Variants in TNFRSF13B observed in about 807,000 individuals in gnomAD.
The protein encoded by TNFRSF13B is tumor necrosis factor receptor superfamily member 13B.
In TNFRSF13B, 34 loss-of-function variants were observed where a neutral mutation model predicts 24.0. That is an observed-to-expected ratio of 1.41 (90% CI 1.08 to 1.88). The LOEUF (loss-of-function observed/expected upper bound fraction) is 1.88. Among genes scored for constraint, TNFRSF13B ranks in the 40% most tolerant of loss-of-function variants. TNFRSF13B has a pLI of 0.00. For missense variants in TNFRSF13B, 415 were observed against 380.8 expected (o/e 1.09, Z -0.75); for synonymous variants, 173 against 150.3 (o/e 1.15, Z -1.10).
chr17:16,958,715 G>A (rs2087641588), intron 1 of TNFRSF13B, among the ~76,000 whole-genome samples: 2 of 151,830 alleles, frequency 1.3e-5, no homozygotes, highest in South Asian at 4.1e-4. Flanking sequence ...AATTACAAAA[G>A]ACAAAGAAGG....
At position 16,940,327 on chromosome 17, in the gene TNFRSF13B, C is replaced by A; in HGVS notation, c.630G>T (p.Gln210His). ...AGGACCCCAGTTTCATGCACTCACC[C>A]TGGGAAGACTTGGCCGGACTTTGAC... ...RPRQSPAKSS[Q>H]DHAMEAGSPV... is the part of the protein sequence containing the mutation. The change falls in exon 4 of 5, where the codon CAG (glutamine) becomes CAT (histidine). Residue 210 changes from glutamine to histidine, a missense_variant and splice_region_variant. Coordinates refer to ENST00000261652, the MANE Select transcript of TNFRSF13B (RefSeq NM_012452.3). The A allele has an allele frequency of 6.2e-7, 1 of 1,613,222 alleles. No individual in the cohort carries two copies. The highest frequency in any genetic ancestry group is 8.5e-7 in the Non-Finnish European group (1 of 1,179,968).
intron 1 of TNFRSF13B, among the ~76,000 whole-genome samples, chr17:16,963,545 GT>G (rs1488206295): frequency 1.3e-5 from 2 of 151,690 alleles, no homozygotes; most frequent in African/African-American, 4.9e-5. Flanking sequence ...TTTTGTTTTT[GT>G]TTTTGTTTTT....
intron 1 of TNFRSF13B, among the ~76,000 whole-genome samples, chr17:16,962,703 G>A (rs12150243): frequency 0.12 from 18,941 of 152,078 alleles, 1,284 homozygotes; most frequent in East Asian, 0.22. Context: ...TTAGACCATT[G>A]TCAGTGAGCA....
intron 2 of TNFRSF13B, among the ~76,000 whole-genome samples, chr17:16,950,788 C>T (rs557933899): frequency 3.9e-5 from 6 of 152,196 alleles, no homozygotes; most frequent in African/African-American, 7.2e-5. Context: ...GCCTGGGACT[C>T]AGTCCTCCCC....
chr17:16,946,126 G>C (rs2087545923), intron 3 of TNFRSF13B, among the ~76,000 whole-genome samples: 1 of 152,240 alleles, frequency 6.6e-6, no homozygotes, highest in African/African-American at 2.4e-5. Flanking sequence ...GGCAGCAGCA[G>C]CTAACTGACA....
At chr17:16,939,977 G>T in intron 4 of TNFRSF13B, 180 bp from the exon 5 acceptor site, 1 of 1,045,416 alleles carries the variant, frequency 9.6e-7, no homozygotes, top group African/African-American at 1.6e-5. Context: ...CCGGGGCAGG[G>T]GTGGGCAGGC....
intron 2 of TNFRSF13B, 94 bp from the exon 3 acceptor site, chr17:16,949,077 T>C (rs1005853750): frequency 6.8e-7 from 1 of 1,472,822 alleles, no homozygotes; most frequent in Admixed American, 1.8e-5. Flanking sequence ...AAAAAAAAAA[T>C]ACAGTAAAAT....
chr17:16,956,792 G>T (rs150308450), intron 1 of TNFRSF13B, among the ~76,000 whole-genome samples: 1 of 152,292 alleles, frequency 6.6e-6, no homozygotes, highest in Non-Finnish European at 1.5e-5. Flanking sequence ...TCAACTCCAT[G>T]ACATTCTGGA....
At chr17:16,940,764 C>T in intron 3 of TNFRSF13B, 1 of 1,410,204 alleles carries the variant, frequency 7.1e-7, no homozygotes, top group Non-Finnish European at 9.2e-7. Context: ...TTGTTGTCTC[C>T]ACTTGCTAGG....
rs1252747949 is a variant in TNFRSF13B, at chr17:16,939,779, C to T, written c.650G>A (p.Gly217Asp). The change falls in exon 5 of 5, where the codon GGC (glycine) becomes GAC (aspartate). Residue 217 changes from glycine (G) to aspartate (D), a missense_variant. Transcript: ENST00000261652. Reference sequence around the variant, plus strand: ...CTCGGGGGATGTGCTCACAGGGCTGCCGGCTTCCATCGCGTGATCTGCAGA... The same window carrying T: ...CTCGGGGGATGTGCTCACAGGGCTGTCGGCTTCCATCGCGTGATCTGCAGA... ...KSSQDHAMEAGSPVSTSPEPV... is the reference protein window; with the variant it reads ...KSSQDHAMEADSPVSTSPEPV... 1 of 1,611,566 alleles carries T rather than the reference C, an allele frequency of 6.2e-7. No individual in the cohort carries two copies. Among genetic ancestry groups the T allele is most frequent in the South Asian group, 1.1e-5 (1 of 90,790 alleles).
At chr17:16,961,837 A>T (rs144290020) in intron 1 of TNFRSF13B, among the ~76,000 whole-genome samples, 1 of 152,360 alleles carries the variant, frequency 6.6e-6, no homozygotes, top group Non-Finnish European at 1.5e-5. Context: ...ATTGTTATCT[A>T]TCAAGTGCGA....
At chr17:16,959,281 A>C (rs2087645682) in intron 1 of TNFRSF13B, among the ~76,000 whole-genome samples, 1 of 152,052 alleles carries the variant, frequency 6.6e-6, no homozygotes, top group African/African-American at 2.4e-5. Context: ...GAGACAAATG[A>C]AAATGAAAAT....
At chr17:16,966,244 A>C (rs2087698241) in intron 1 of TNFRSF13B, among the ~76,000 whole-genome samples, 1 of 150,946 alleles carries the variant, frequency 6.6e-6, no homozygotes, top group African/African-American at 2.4e-5. Flanking sequence ...ACAGAGTGAG[A>C]CTCCATCTCA....
Position 16,940,364 on chromosome 17 carries a change from C to A in TNFRSF13B, c.593G>T (p.Arg198Leu). 1.2e-6 allele frequency: 2 copies of A among 1,613,852 alleles called. No individual in the cohort carries two copies. The highest frequency in any genetic ancestry group is 3.3e-5 in the Admixed American group (2 of 60,010). Residue 198 changes from arginine (R) to leucine (L), a missense_variant, in exon 4 of 5, where the codon CGC becomes CTC. Transcript: ENST00000261652. ...KRGDPCSCQP[R>L]SRPRQSPAKS... ...GGCCGGACTTTGACGGGGCCTTGAG[C>A]GGGGCTGGCAGGAGCAGGGATCCCC...
At chr17:16,945,852 C>G (rs2087544023) in intron 3 of TNFRSF13B, among the ~76,000 whole-genome samples, 1 of 152,202 alleles carries the variant, frequency 6.6e-6, no homozygotes, top group South Asian at 2.1e-4. Context: ...GTTTCCCCTC[C>G]CCTGAATCCG....
chr17:16,942,588 C>T lies in TNFRSF13B; in HGVS notation c.446-2077G>A, dbSNP rs147326188. 1.3e-3 allele frequency among the ~76,000 whole-genome samples: 196 copies of T among 152,310 alleles called. 1 individual carries two copies. The South Asian group carries it at 0.014, about 11-fold the overall frequency. ...CTTGGTGCCACATATCCAAGGCTTA[C>T]CTGCTCCTATTCACCTCTCAAATCA... On this transcript the variant is annotated intron_variant, in intron 3 of 4. Transcript: ENST00000261652.
intron 1 of TNFRSF13B, among the ~76,000 whole-genome samples, chr17:16,971,735 T>C (rs1340702880): frequency 1.3e-5 from 2 of 151,742 alleles, no homozygotes; most frequent in Admixed American, 6.6e-5. Context: ...AGGGGGAAAA[T>C]GGGGGCTGTG....
chr17:16,951,715 C>CCCA (rs1286457797), intron 2 of TNFRSF13B, among the ~76,000 whole-genome samples: 1 of 151,978 alleles, frequency 6.6e-6, no homozygotes, highest in Non-Finnish European at 1.5e-5. Flanking sequence ...ATGGAGAAAC[C>CCCA]CCATCTCTAC....
chr17:16,967,502 C>T (rs577453840), intron 1 of TNFRSF13B, among the ~76,000 whole-genome samples: 2 of 151,960 alleles, frequency 1.3e-5, no homozygotes, highest in East Asian at 3.9e-4. Context: ...CACCTGTAAT[C>T]CCAGCACTTT....
Sources: gnomAD v4.1 joint callset for allele counts (sites outside exome capture counted in the v4.1 genomes callset) on GRCh38, gnomAD v4.1.1 for gene constraint, MANE v1.5 for transcripts, NCBI Gene and HGNC (gene_info 2026-07-23, HGNC 2026-07-21) for gene names.